The following ABHD12 variants were observed in gnomAD, a reference collection of about 807,000 sequenced individuals.
ABHD12 encodes the protein lysophosphatidylserine lipase ABHD12.
ABHD12 carries 43 observed loss-of-function variants against 58.3 expected under a neutral mutation model. That is an observed-to-expected ratio of 0.74 (90% CI 0.58 to 0.95). The LOEUF is 0.95. Ranked by LOEUF, ABHD12 falls within the 40% of genes least tolerant of loss-of-function variation. The pLI is 0.00. For synonymous variants in ABHD12, 219 were observed against 211.2 expected (o/e 1.04, Z -0.32); for missense variants, 539 against 537.2 (o/e 1.00, Z -0.03).
intron 1 of ABHD12, among the ~76,000 whole-genome samples, chr20:25,384,574 G>C (rs561228219): frequency 1.3e-5 from 2 of 151,900 alleles, no homozygotes; most frequent in Non-Finnish European, 2.9e-5. Flanking sequence ...GCAAAACTCT[G>C]TCTCTACAAA....
chr20:25,299,105 A>T (rs2088594872), downstream of ABHD12, among the ~76,000 whole-genome samples: 1 of 152,214 alleles, frequency 6.6e-6, no homozygotes, highest in African/African-American at 2.4e-5. Flanking sequence ...TTTTGTAAAA[A>T]AGACACTAGT....
At chr20:25,350,042 A>G (rs1201902438) in intron 1 of ABHD12, among the ~76,000 whole-genome samples, 4 of 152,206 alleles carry the variant, frequency 2.6e-5, no homozygotes, top group Non-Finnish European at 5.9e-5. Flanking sequence ...GGGGCTTACA[A>G]AGTTAGTAAA....
At chr20:25,301,963 GC>G (rs1293298108) in intron 12 of ABHD12, among the ~76,000 whole-genome samples, 2 of 152,158 alleles carry the variant, frequency 1.3e-5, no homozygotes, top group Non-Finnish European at 2.9e-5. Flanking sequence ...GAGCGTGTGT[GC>G]CCCCCCGTGT....
Position 25,337,871 on chromosome 20 carries a change from A to C in ABHD12, c.316+1356T>G, listed in dbSNP as rs567718373. The stretch of plus-strand genomic sequence containing the variant: ...GTTTCTTTTTGAGTTTGTGCTTCTC[A>C]CAAGTGACAAAACTTAGAGATGAAA... On this transcript the variant is annotated intron_variant, in intron 2 of 12. Coordinates refer to ENST00000339157, the MANE Select transcript of ABHD12 (RefSeq NM_001042472.3). 9.2e-5 allele frequency among the ~76,000 whole-genome samples: 14 copies of C among 152,372 alleles called. 1 individual carries two copies. Among genetic ancestry groups the C allele is most frequent in the South Asian group, 4.1e-4 (2 of 4,830 alleles).
chr20:25,328,011 G>C (rs2089205127), intron 2 of ABHD12, among the ~76,000 whole-genome samples: 1 of 151,838 alleles, frequency 6.6e-6, no homozygotes, highest in Admixed American at 6.6e-5. Flanking sequence ...CAGCTCACTG[G>C]CTTCCCCACA....
intron 1 of ABHD12, among the ~76,000 whole-genome samples, chr20:25,366,281 C>CA (rs2089819831): frequency 7.0e-6 from 1 of 143,774 alleles, no homozygotes; most frequent in Non-Finnish European, 1.5e-5. Context: ...CTTTTCTTTT[C>CA]TTTTTTTTTT....
intron 6 of ABHD12, among the ~76,000 whole-genome samples, chr20:25,314,129 C>T (rs756979010): frequency 4.6e-5 from 7 of 151,986 alleles, no homozygotes; most frequent in Non-Finnish European, 1.0e-4. Flanking sequence ...CGAGCCATTA[C>T]GCCCGGTTAA....
intron 2 of ABHD12, among the ~76,000 whole-genome samples, chr20:25,330,970 CT>C (rs1355837758): frequency 3.3e-5 from 5 of 152,218 alleles, no homozygotes; most frequent in Non-Finnish European, 7.3e-5. Context: ...CGGAGAATGA[CT>C]TTGACTAGCT....
In ABHD12 at chr20:25,388,727, C is replaced by T. The variant is rs2090127705; in HGVS notation, c.191+1786G>A. Among the ~76,000 whole-genome samples the T allele has an allele frequency of 4.0e-5, 6 of 151,396 alleles. No homozygotes were observed. The South Asian group carries it at 1.2e-3, about 31-fold the overall frequency. On this transcript the variant is annotated intron_variant, in intron 1 of 12. Transcript: ENST00000339157. The stretch of plus-strand genomic sequence containing the variant: ...GGTAATTTTAATACAGTACATTCTT[C>T]AAGAAGGTGCCAGGTCGCCGCTGTT...
chr20:25,337,956 G>A (rs1193875123), intron 2 of ABHD12, among the ~76,000 whole-genome samples: 1 of 152,018 alleles, frequency 6.6e-6, no homozygotes, highest in Non-Finnish European at 1.5e-5. Context: ...TATACTACAT[G>A]TGTTTTACAG....
chr20:25,385,051 A>G (rs1219879681), intron 1 of ABHD12, among the ~76,000 whole-genome samples: 1 of 151,950 alleles, frequency 6.6e-6, no homozygotes, highest in Non-Finnish European at 1.5e-5. Context: ...CAGGAGGAAA[A>G]AGCAGGCCAG....
chr20:25,300,955 C>G, intron 12 of ABHD12, 71 bp from the exon 13 acceptor site: 1 of 1,502,814 alleles, frequency 6.7e-7, no homozygotes, highest in Non-Finnish European at 9.2e-7. Context: ...AGTCCTCACA[C>G]TGCTATCTAA....
chr20:25,325,009 C>T (rs187759690), intron 2 of ABHD12, among the ~76,000 whole-genome samples: 2 of 148,604 alleles, frequency 1.3e-5, no homozygotes, highest in Non-Finnish European at 2.9e-5. Context: ...TTTTTGATAC[C>T]AGCCTGGGCA....
At chr20:25,379,950 A>G (rs1175079531) in intron 1 of ABHD12, among the ~76,000 whole-genome samples, 1 of 151,866 alleles carries the variant, frequency 6.6e-6, no homozygotes, top group African/African-American at 2.4e-5. Flanking sequence ...TTATCCTCCC[A>G]AAGTGCTAGG....
chr20:25,365,259 A>G (rs2089804484), intron 1 of ABHD12, among the ~76,000 whole-genome samples: 1 of 152,232 alleles, frequency 6.6e-6, no homozygotes. Flanking sequence ...CATCATGCCC[A>G]CAGATAAGCA....
chr20:25,383,100 C>G (rs1436804051), intron 1 of ABHD12, among the ~76,000 whole-genome samples: 4 of 152,106 alleles, frequency 2.6e-5, no homozygotes, highest in Non-Finnish European at 5.9e-5. Context: ...TCTTCCTAAT[C>G]TGTAAAGAAA....
At chr20:25,343,096 A>G (rs948844373) in intron 1 of ABHD12, among the ~76,000 whole-genome samples, 3 of 152,188 alleles carry the variant, frequency 2.0e-5, no homozygotes, top group Admixed American at 2.0e-4. Flanking sequence ...CACCTGGCCT[A>G]AAGTATTTTT....
chr20:25,355,693 G>A (rs531714326), intron 1 of ABHD12, among the ~76,000 whole-genome samples: 1 of 152,076 alleles, frequency 6.6e-6, no homozygotes, highest in South Asian at 2.1e-4. Context: ...CGAGTAGCTG[G>A]GATTACAGGC....
chr20:25,307,842 T>G, intron 9 of ABHD12, 124 bp downstream of exon 9: 1 of 415,084 alleles, frequency 2.4e-6, no homozygotes, highest in Non-Finnish European at 4.1e-6. Context: ...TTTAATGAAA[T>G]CTGTATTCAT....
Sources: allele counts gnomAD v4.1 joint callset (sites outside exome capture counted in the v4.1 genomes callset), GRCh38; gene constraint gnomAD v4.1.1; transcripts MANE v1.5; gene names NCBI Gene and HGNC (gene_info 2026-07-23, HGNC 2026-07-21).